The following TCFL5 variants were observed in gnomAD, a reference collection of about 807,000 sequenced individuals.
TCFL5 encodes transcription factor-like 5 protein.
TCFL5 carries 9 observed loss-of-function variants against 44.3 expected under a neutral mutation model. The observed-to-expected ratio is 0.20, with a 90% confidence interval of 0.12 to 0.35. The LOEUF is 0.35. TCFL5 is among the 10% of genes least tolerant of loss of function. The pLI, the probability that TCFL5 is intolerant of heterozygous loss-of-function variation, is 1.00. For missense variants in TCFL5, 603 were observed against 613.4 expected (o/e 0.98, Z 0.18); for synonymous variants, 319 against 271.6 (o/e 1.17, Z -1.72).
Position 62,860,216 on chromosome 20 carries a change from G to A in TCFL5, c.740C>T (p.Ala247Val), listed in dbSNP as rs778322425. 1.9e-6 allele frequency: 3 copies of A among 1,613,650 alleles called. No individual in the cohort carries two copies. Among genetic ancestry groups the A allele is most frequent in the Non-Finnish European group, 2.5e-6 (3 of 1,179,616 alleles). The change falls in exon 2 of 6, where the codon GCG becomes GTG. Residue 247 changes from alanine to valine, a missense_variant. By Grantham distance (64) the Ala-to-Val change is moderately conservative (BLOSUM62 0). Transcript: ENST00000335351. ...KCTALVKNKTAATTTALQFTY... is the reference protein window; with the variant it reads ...KCTALVKNKTVATTTALQFTY... ...AAATTGCAAAGCAGTAGTTGTAGCCGCAGTTTTATTTTTCACTAATGCTGT... is the reference window on the plus strand; with the variant it reads ...AAATTGCAAAGCAGTAGTTGTAGCCACAGTTTTATTTTTCACTAATGCTGT...
intron 4 of TCFL5, among the ~76,000 whole-genome samples, 174 bp downstream of exon 4, chr20:62,857,221 C>A (rs113866200): frequency 6.6e-6 from 1 of 152,146 alleles, no homozygotes; most frequent in Non-Finnish European, 1.5e-5. Context: ...AGTGAGCCAG[C>A]GAGCCTGGGC....
chr20:62,855,689 C>G (rs2063877518), intron 4 of TCFL5, among the ~76,000 whole-genome samples: 1 of 151,840 alleles, frequency 6.6e-6, no homozygotes, highest in Non-Finnish European at 1.5e-5. Context: ...TCGCTTGAAC[C>G]TGGGAGGCGA....
At chr20:62,848,682 C>T (rs1259749095) in intron 5 of TCFL5, among the ~76,000 whole-genome samples, 2 of 151,920 alleles carry the variant, frequency 1.3e-5, no homozygotes, top group Non-Finnish European at 2.9e-5. Flanking sequence ...AGGTTGCAGT[C>T]AGCCGGGATC....
At chr20:62,846,398 T>TC (rs1476722712) in intron 5 of TCFL5, among the ~76,000 whole-genome samples, 1 of 152,142 alleles carries the variant, frequency 6.6e-6, no homozygotes, top group African/African-American at 2.4e-5. Flanking sequence ...GAGGAGCAGA[T>TC]CCCCTTAGTC....
intron 5 of TCFL5, among the ~76,000 whole-genome samples, chr20:62,847,934 G>C (rs1460664706): frequency 6.6e-6 from 1 of 152,236 alleles, no homozygotes; most frequent in East Asian, 1.9e-4. Flanking sequence ...GGATCCAAGA[G>C]AGGATGAAGT....
Position 62,857,388 on chromosome 20 carries a change from G to GT in TCFL5, c.1238+6dup, listed in dbSNP as rs774851221. On this transcript the variant is annotated splice_region_variant and intron_variant, in intron 4 of 5. Transcript: ENST00000335351. The stretch of plus-strand genomic sequence containing the variant: ...GAGTCAGCCTGACAAGCAGTCACAC[G>GT]TATTACCTTCTATCTCTTTCCATTC... 1 of 1,613,854 alleles carries GT rather than the reference G, an allele frequency of 6.2e-7. No individual in the cohort carries two copies. The highest frequency in any genetic ancestry group is 8.5e-7 in the Non-Finnish European group (1 of 1,179,832).
chr20:62,859,997 T>C, intron 2 of TCFL5, 128 bp downstream of exon 2: 6 of 956,480 alleles, frequency 6.3e-6, no homozygotes, highest in South Asian at 1.7e-5. Flanking sequence ...GTGTCGGCCT[T>C]GGCGCCCGGC....
intron 3 of TCFL5, among the ~76,000 whole-genome samples, chr20:62,858,652 A>C (rs2063934077): frequency 6.9e-6 from 1 of 144,128 alleles, no homozygotes; most frequent in Admixed American, 6.8e-5. Flanking sequence ...TTTCCCAGGG[A>C]GGAAGGGGCT....
At position 62,851,722 on chromosome 20, in the gene TCFL5, C is replaced by G. The variant is rs1241099716; in HGVS notation, c.1380+2294G>C. ...ACACAGAAAAGGGACAGAGACAAGA[C>G]AAACTATTGCCTGGCGCTGAAGAGA... On this transcript the variant is annotated intron_variant, in intron 5 of 5. Coordinates refer to ENST00000335351, the MANE Select transcript of TCFL5 (RefSeq NM_006602.4). 6 of 985,298 alleles carry G rather than the reference C, an allele frequency of 6.1e-6. No homozygotes were observed. In the Admixed American group the frequency reaches 3.7e-4, roughly 61 times the overall value. The allele number at this position is 985,298 out of a possible 1,614,324, so 61.0% of individuals were successfully genotyped here. A position where few individuals can be genotyped will look rare whatever the true frequency, so the allele number is the denominator to read the frequency against.
chr20:62,848,035 G>C (rs758086857), intron 5 of TCFL5, among the ~76,000 whole-genome samples: 1 of 152,230 alleles, frequency 6.6e-6, no homozygotes, highest in Non-Finnish European at 1.5e-5. Flanking sequence ...CGAGGTCCAG[G>C]GAGTTCTCAC....
rs1434951659 is a variant in TCFL5, at chr20:62,842,268, AAC to A, written c.1381-173_1381-172del. 1.4e-5 allele frequency among the ~76,000 whole-genome samples: 2 copies of A among 144,756 alleles called. No individual in the cohort carries two copies. Among genetic ancestry groups the A allele is most frequent in the Non-Finnish European group, 3.1e-5 (2 of 65,534 alleles). 95.0% of individuals were successfully genotyped at this position (144,756 alleles called of 152,430 possible). ...ACCTCACAAGGGGATTTATATAATA[AAC>A]AGATTTTAACTTTTTTTTTTTCAAA... On this transcript the variant is annotated intron_variant, in intron 5 of 5. Transcript: ENST00000335351. This position sits in a 1 kb window ranked among gnomAD's most constrained non-coding sequence, Gnocchi z 4.3.
intron 4 of TCFL5, among the ~76,000 whole-genome samples, chr20:62,856,016 C>T (rs769827771): frequency 1.3e-5 from 2 of 151,682 alleles, no homozygotes; most frequent in African/African-American, 2.4e-5. Context: ...TTTAGGAGGC[C>T]GAGGCAGGCG....
chr20:62,861,451 C>A lies in TCFL5; in HGVS notation c.220G>T (p.Glu74Ter). The A allele has an allele frequency of 8.5e-7, 1 of 1,176,220 alleles. No individual in the cohort carries two copies. Among genetic ancestry groups the A allele is most frequent in the Non-Finnish European group, 1.1e-6 (1 of 940,500 alleles). The allele number at this position is 1,176,220 out of a possible 1,614,324, so 72.9% of individuals were successfully genotyped here. A position where few individuals can be genotyped will look rare whatever the true frequency, so the allele number is the denominator to read the frequency against. The change falls in exon 1 of 6, where the codon GAG becomes TAG. Residue 74 changes from glutamate to a stop codon, truncating the protein, a stop_gained. Transcript: ENST00000335351. LOFTEE classifies it high-confidence loss of function. This position sits in a 1 kb window ranked among gnomAD's most constrained non-coding sequence, Gnocchi z 4.0. ...AGCAGCGCCGAGTTGAGGCGCGTCTCGAGCTCGCCGTCAGCCGCCGCCTCC... is the reference window on the plus strand; with the variant it reads ...AGCAGCGCCGAGTTGAGGCGCGTCTAGAGCTCGCCGTCAGCCGCCGCCTCC... The part of the protein sequence containing the change: ...HMEAAADGEL[E>*]TRLNSALLAA...
chr20:62,860,877 C>G (rs2063988914), intron 1 of TCFL5, 147 bp downstream of exon 1: 1 of 647,996 alleles, frequency 1.5e-6, no homozygotes. Flanking sequence ...GGGGCGGCCC[C>G]AGACCCGGTG....
chr20:62,860,430 C>T, intron 1 of TCFL5, 122 bp from the exon 2 acceptor site: 1 of 836,796 alleles, frequency 1.2e-6, no homozygotes, highest in Non-Finnish European at 1.8e-6. Flanking sequence ...TCCTGGAAAT[C>T]TCTACACAAC....
chr20:62,855,525 G>T (rs6011422), intron 4 of TCFL5, among the ~76,000 whole-genome samples: 13 of 152,272 alleles, frequency 8.5e-5, no homozygotes, highest in African/African-American at 3.1e-4. Context: ...CCAGTACTTT[G>T]GGAGGCCGAG....
Position 62,856,770 on chromosome 20 carries a change from C to T in TCFL5, c.1238+625G>A, listed in dbSNP as rs546601576. Among the ~76,000 whole-genome samples the T allele has an allele frequency of 7.5e-4, 111 of 148,828 alleles. 1 individual carries two copies. The highest frequency in any genetic ancestry group is 3.2e-3 in the Admixed American group (48 of 15,142). On this transcript the variant is annotated intron_variant, in intron 4 of 5. Coordinates refer to ENST00000335351, the MANE Select transcript of TCFL5 (RefSeq NM_006602.4). ...TGAACTCAAGCTGGCTGGTAAGCAG[C>T]AGTTACCAAAACAGCCTGACCACTC...
intron 5 of TCFL5, among the ~76,000 whole-genome samples, chr20:62,850,604 C>A (rs2063795501): frequency 6.6e-6 from 1 of 152,180 alleles, no homozygotes; most frequent in Non-Finnish European, 1.5e-5. Flanking sequence ...GGTTTCCACT[C>A]TCACCCCAGC....
At chr20:62,851,852 C>T in intron 5 of TCFL5, 1 of 981,680 alleles carries the variant, frequency 1.0e-6, no homozygotes, top group Non-Finnish European at 1.2e-6. Context: ...CTCTGTCACC[C>T]AGGCTGCAGT....
Sources: gnomAD v4.1 joint callset for allele counts (sites outside exome capture counted in the v4.1 genomes callset) on GRCh38, gnomAD v4.1.1 for gene constraint, Gnocchi (gnomAD v3.1) non-coding constraint, MANE v1.5 for transcripts, NCBI Gene and HGNC (gene_info 2026-07-23, HGNC 2026-07-21) for gene names.